Variants in CATSPERT observed in about 807,000 individuals in gnomAD.
The protein encoded by CATSPERT is catsper channel auxiliary subunit tau, also known as cation channel sperm-associated targeting subunit tau.
chr2:201,558,701 T>C, the CATSPERT span, among the ~76,000 whole-genome samples: 7 of 152,294 alleles, frequency 4.6e-5, no homozygotes, highest in East Asian at 1.4e-3. Context: ...TGCATTGCCC[T>C]GGATTAGGAA....
the CATSPERT span, among the ~76,000 whole-genome samples, chr2:201,592,967 G>C: frequency 1.4e-3 from 216 of 151,950 alleles, no homozygotes; most frequent in African/African-American, 5.0e-3. Flanking sequence ...AAGGTTTTTT[G>C]TGTCTCTATT....
chr2:201,549,797 G>A, the CATSPERT span: 1 of 152,026 alleles, frequency 6.6e-6, no homozygotes, highest in African/African-American at 2.4e-5. Context: ...CAAAATAGAT[G>A]CTTAAGAAGT....
the CATSPERT span, among the ~76,000 whole-genome samples, chr2:201,507,958 A>G: frequency 4.6e-5 from 7 of 152,146 alleles, no homozygotes; most frequent in African/African-American, 1.7e-4. Context: ...GGGGAAGTCC[A>G]CCGCCATGAT....
the CATSPERT span, among the ~76,000 whole-genome samples, chr2:201,560,423 AAATAATAAT>A: frequency 0.011 from 1,433 of 126,420 alleles, 7 homozygotes; most frequent in Middle Eastern, 0.023. Flanking sequence ...ACTCTGTCTC[AAATAATAAT>A]AATAATAATA....
At chr2:201,582,043 A>G in the CATSPERT span, 1 of 1,578,946 alleles carries the variant, frequency 6.3e-7, no homozygotes, top group Non-Finnish European at 8.6e-7. Context: ...AACAAACTGG[A>G]CAACCAACTG....
chr2:201,493,986 AATATTTTT>A, the CATSPERT span: 2 of 1,536,686 alleles, frequency 1.3e-6, no homozygotes, highest in Non-Finnish European at 1.7e-6. Context: ...AATATTCAGG[AATATTTTT>A]AATTACTTGA....
chr2:201,548,583 A>C, the CATSPERT span, among the ~76,000 whole-genome samples: 5 of 152,108 alleles, frequency 3.3e-5, no homozygotes, highest in African/African-American at 9.7e-5. Flanking sequence ...AAGTGAAAAA[A>C]AGGATGTATC....
At chr2:201,591,951 T>G in the CATSPERT span, among the ~76,000 whole-genome samples, 4 of 152,096 alleles carry the variant, frequency 2.6e-5, no homozygotes, top group African/African-American at 4.8e-5. Context: ...TTTGACTTCC[T>G]CTTTTCCTAA....
At chr2:201,570,263 C>T in the CATSPERT span, among the ~76,000 whole-genome samples, 1 of 152,136 alleles carries the variant, frequency 6.6e-6, no homozygotes, top group African/African-American at 2.4e-5. Flanking sequence ...CCACCATCAT[C>T]CCCTGCCCTT....
the CATSPERT span, among the ~76,000 whole-genome samples, chr2:201,593,870 G>T: frequency 1.3e-5 from 2 of 151,644 alleles, no homozygotes; most frequent in Non-Finnish European, 2.9e-5. Context: ...GCCTATGTGT[G>T]TCTCTGCACA....
At chr2:201,488,983 T>G in the CATSPERT span, among the ~76,000 whole-genome samples, 1 of 152,184 alleles carries the variant, frequency 6.6e-6, no homozygotes, top group Admixed American at 6.6e-5. Context: ...ATAACTTGAT[T>G]ACTGGAGTGG....
the CATSPERT span, among the ~76,000 whole-genome samples, chr2:201,588,917 G>A: frequency 1.1e-4 from 16 of 152,050 alleles, no homozygotes; most frequent in African/African-American, 3.9e-4. Flanking sequence ...AAAGTCCTAG[G>A]ATACAAAATC....
At chr2:201,570,149 C>A in the CATSPERT span, among the ~76,000 whole-genome samples, 1 of 151,964 alleles carries the variant, frequency 6.6e-6, no homozygotes, top group African/African-American at 2.4e-5. Flanking sequence ...GTTGCCTAGG[C>A]AACAGAACAA....
At chr2:201,584,916 G>C in the CATSPERT span, among the ~76,000 whole-genome samples, 11 of 151,986 alleles carry the variant, frequency 7.2e-5, no homozygotes, top group African/African-American at 2.4e-4. Flanking sequence ...ACACATCAGA[G>C]TGAAATTAGA....
chr2:201,607,450 G>A, the CATSPERT span, among the ~76,000 whole-genome samples: 5 of 152,256 alleles, frequency 3.3e-5, no homozygotes, highest in Non-Finnish European at 7.4e-5. Flanking sequence ...CTAGGAGTTC[G>A]AGACCAGCCT....
At chr2:201,561,253 G>A in the CATSPERT span, among the ~76,000 whole-genome samples, 1 of 152,208 alleles carries the variant, frequency 6.6e-6, no homozygotes, top group African/African-American at 2.4e-5. Flanking sequence ...TCACCAAATG[G>A]AATGCCATGA....
the CATSPERT span, among the ~76,000 whole-genome samples, chr2:201,544,433 A>C: frequency 6.6e-6 from 1 of 152,176 alleles, no homozygotes; most frequent in Non-Finnish European, 1.5e-5. Flanking sequence ...TTTTTAAAAG[A>C]CTGCATGAAC....
chr2:201,604,706 T>A, the CATSPERT span: 1 of 1,562,234 alleles, frequency 6.4e-7, no homozygotes, highest in East Asian at 2.3e-5. Flanking sequence ...ATCTACAATG[T>A]AAATAAATTA....
chr2:201,597,403 G>A, the CATSPERT span, among the ~76,000 whole-genome samples: 1 of 152,096 alleles, frequency 6.6e-6, no homozygotes, highest in African/African-American at 2.4e-5. Context: ...ATAGATTTCT[G>A]GGCTCTTTAT....
Sources: allele counts gnomAD v4.1 joint callset (sites outside exome capture counted in the v4.1 genomes callset), GRCh38; gene constraint gnomAD v4.1.1; transcripts MANE v1.5; gene names NCBI Gene and HGNC (gene_info 2026-07-23, HGNC 2026-07-21).